The following RSRC1 variants were observed in gnomAD, a reference collection of about 807,000 sequenced individuals.
The protein encoded by RSRC1 is serine/Arginine-related protein 53.
RSRC1 carries 39 observed loss-of-function variants against 49.1 expected under a neutral mutation model. The observed-to-expected ratio is 0.79, with a 90% CI of 0.61 to 1.04. The LOEUF (loss-of-function observed/expected upper bound fraction) is 1.04, where lower values mean the gene tolerates loss of function less well. RSRC1 is among the 50% of genes least tolerant of loss of function. RSRC1 has a pLI of 0.00. For synonymous variants in RSRC1, 143 were observed against 130.8 expected (o/e 1.09, Z -0.63); for missense variants, 388 against 402.4 (o/e 0.96, Z 0.31).
chr3:158,228,958 A>G, intron 4 of RSRC1, among the ~76,000 whole-genome samples: 1 of 103,312 alleles, frequency 9.7e-6, no homozygotes, highest in Admixed American at 9.4e-5. Context: ...GTGTATAAAC[A>G]CACATACGTG....
At chr3:158,272,139 G>C (rs538761205) in intron 4 of RSRC1, among the ~76,000 whole-genome samples, 1 of 152,192 alleles carries the variant, frequency 6.6e-6, no homozygotes, top group Non-Finnish European at 1.5e-5. Context: ...AGTACCGGCA[G>C]ATAAATGCCC....
chr3:158,130,060 G>A (rs1156473557), intron 3 of RSRC1, among the ~76,000 whole-genome samples: 2 of 152,212 alleles, frequency 1.3e-5, no homozygotes, highest in African/African-American at 4.8e-5. Context: ...TGGTGCCTGG[G>A]AGGTTAGAGA....
chr3:158,215,458 T>C (rs1200576659), intron 4 of RSRC1, among the ~76,000 whole-genome samples: 1 of 151,774 alleles, frequency 6.6e-6, no homozygotes, highest in Non-Finnish European at 1.5e-5. Flanking sequence ...AGTCTTTTAA[T>C]TGGTGTGTTT....
intron 5 of RSRC1, among the ~76,000 whole-genome samples, chr3:158,311,682 C>T (rs541054838): frequency 2.6e-5 from 4 of 152,056 alleles, no homozygotes; most frequent in East Asian, 1.9e-4. Context: ...GTGTTTTATA[C>T]TTGAAAATTG....
chr3:158,358,568 C>T (rs73874385), intron 6 of RSRC1, among the ~76,000 whole-genome samples: 11,148 of 152,122 alleles, frequency 0.073, 482 homozygotes, highest in South Asian at 0.13. Context: ...TCAAATATGA[C>T]AGATGTGTGT....
intron 4 of RSRC1, chr3:158,276,143 C>T: frequency 1.1e-6 from 1 of 929,042 alleles, no homozygotes. Flanking sequence ...TGTGAGCAAA[C>T]TTTAGCTGGT....
At chr3:158,443,443 C>T (rs1165361962) in intron 6 of RSRC1, among the ~76,000 whole-genome samples, 1 of 152,208 alleles carries the variant, frequency 6.6e-6, no homozygotes, top group African/African-American at 2.4e-5. Flanking sequence ...TTTCCTTAAA[C>T]CTCACAAGCC....
intron 4 of RSRC1, among the ~76,000 whole-genome samples, chr3:158,277,154 C>T (rs963652373): frequency 2.6e-5 from 4 of 152,120 alleles, no homozygotes; most frequent in African/African-American, 9.7e-5. Context: ...TTGAGCACAA[C>T]TTTGTGTAAT....
intron 6 of RSRC1, among the ~76,000 whole-genome samples, chr3:158,376,928 G>A (rs1047665760): frequency 2.6e-5 from 4 of 152,076 alleles, no homozygotes; most frequent in African/African-American, 9.7e-5. Flanking sequence ...CATTTGAAGG[G>A]AATGTATATT....
intron 4 of RSRC1, among the ~76,000 whole-genome samples, chr3:158,286,110 T>C (rs200267030): frequency 6.6e-6 from 1 of 152,236 alleles, no homozygotes; most frequent in East Asian, 1.9e-4. Flanking sequence ...CAAGTATAAA[T>C]GACCAGGTTC....
chr3:158,543,309 A>T, intron 8 of RSRC1, 26 bp from the exon 9 acceptor site: 1 of 1,493,280 alleles, frequency 6.7e-7, no homozygotes, highest in Non-Finnish European at 8.9e-7. Flanking sequence ...TATTGTGTTG[A>T]AATTAATATG....
intron 4 of RSRC1, among the ~76,000 whole-genome samples, chr3:158,253,125 T>G (rs1297451991): frequency 6.6e-6 from 1 of 152,036 alleles, no homozygotes; most frequent in Non-Finnish European, 1.5e-5. Context: ...GGGGTTTGGT[T>G]TGGTCTTCTA....
chr3:158,420,940 G>C (rs959475277), intron 6 of RSRC1, among the ~76,000 whole-genome samples: 5 of 151,886 alleles, frequency 3.3e-5, no homozygotes, highest in African/African-American at 1.2e-4. Context: ...AACTAAGAAT[G>C]TAATAATAAT....
chr3:158,347,970 T>A (rs1279641142), intron 5 of RSRC1, among the ~76,000 whole-genome samples: 2 of 152,252 alleles, frequency 1.3e-5, no homozygotes, highest in Admixed American at 6.5e-5. Context: ...CAGTGCTTAA[T>A]AATCACATCA....
intron 3 of RSRC1, among the ~76,000 whole-genome samples, chr3:158,193,163 A>G (rs1369980748): frequency 6.6e-6 from 1 of 152,100 alleles, no homozygotes; most frequent in Non-Finnish European, 1.5e-5. Flanking sequence ...GCAGATAAGG[A>G]AAGAGATGCT....
chr3:158,371,796 C>G (rs1251870973), intron 6 of RSRC1, among the ~76,000 whole-genome samples: 1 of 151,862 alleles, frequency 6.6e-6, no homozygotes, highest in African/African-American at 2.4e-5. Flanking sequence ...TCCAAAGTGG[C>G]TGAACCATAT....
intron 5 of RSRC1, among the ~76,000 whole-genome samples, chr3:158,314,404 C>CTT (rs11382163): frequency 1.1e-3 from 160 of 145,632 alleles, no homozygotes; most frequent in Non-Finnish European, 7.5e-4. Flanking sequence ...AAAAAAAATT[C>CTT]TTTTTTTTTT....
chr3:158,384,351 T>C (rs115374137), intron 6 of RSRC1, among the ~76,000 whole-genome samples: 84 of 152,192 alleles, frequency 5.5e-4, no homozygotes, highest in African/African-American at 1.9e-3. Context: ...GCTGAAGTAA[T>C]ATAGGCAAGC....
intron 3 of RSRC1, among the ~76,000 whole-genome samples, chr3:158,143,577 A>G (rs976812604): frequency 1.3e-5 from 2 of 152,232 alleles, no homozygotes; most frequent in Non-Finnish European, 2.9e-5. Flanking sequence ...GTTCATGTCT[A>G]TCAATAAAAC....
Sources: gnomAD v4.1 joint callset for allele counts (sites outside exome capture counted in the v4.1 genomes callset) on GRCh38, gnomAD v4.1.1 for gene constraint, MANE v1.5 for transcripts, NCBI Gene and HGNC (gene_info 2026-07-23, HGNC 2026-07-21) for gene names.